CPXM2: variants seen among roughly 807,000 people sequenced by gnomAD.
CPXM2 encodes inactive carboxypeptidase-like protein X2.
In CPXM2, 66 loss-of-function variants were observed where a neutral mutation model predicts 86.1. The observed-to-expected ratio is 0.77, with a 90% CI of 0.63 to 0.94. CPXM2 has a LOEUF of 0.94. Ranked by LOEUF, CPXM2 falls within the 40% of genes least tolerant of loss-of-function variation. The pLI, the probability that CPXM2 is intolerant of heterozygous loss-of-function variation, is 0.00. For missense variants in CPXM2, 948 were observed against 1,026.3 expected, an observed-to-expected ratio of 0.92 and a Z score of 1.04; for synonymous variants, 388 against 400.2, an observed-to-expected ratio of 0.97 and a Z score of 0.36.
At chr10:123,936,482 A>G (rs866743570) in intron 2 of CPXM2, among the ~76,000 whole-genome samples, 1 of 152,210 alleles carries the variant, frequency 6.6e-6, no homozygotes, top group Non-Finnish European at 1.5e-5. Flanking sequence ...CAACAGCCAC[A>G]CAGAAGAGAT....
intron 6 of CPXM2, 127 bp downstream of exon 6, chr10:123,797,849 A>G: frequency 1.1e-6 from 1 of 949,464 alleles, no homozygotes; most frequent in Non-Finnish European, 1.4e-6. Flanking sequence ...CAGCCTCCCA[A>G]AATGCTGGGA....
chr10:123,913,277 G>A lies in CPXM2; in HGVS notation n.174+26200C>T, dbSNP rs540468123. 3.3e-5 allele frequency among the ~76,000 whole-genome samples: 5 copies of A among 152,328 alleles called. No homozygotes were observed. In the East Asian group the frequency reaches 9.6e-4, roughly 29 times the overall value. On this transcript the variant is annotated intron_variant and non_coding_transcript_variant, in intron 2 of 19. Transcript: ENST00000368854. ...GCTGTTTGAAGTTATACACAGATAT[G>A]CCGAAGAAGTGCAGCCTTATCCAAG...
chr10:123,821,329 T>C (rs1434609157), intron 4 of CPXM2, among the ~76,000 whole-genome samples: 2 of 152,236 alleles, frequency 1.3e-5, no homozygotes, highest in Non-Finnish European at 2.9e-5. Flanking sequence ...TAGGGTTTCC[T>C]GGTACTTCTC....
chr10:123,856,543 T>C (rs1481152400), intron 3 of CPXM2, among the ~76,000 whole-genome samples: 1 of 152,152 alleles, frequency 6.6e-6, no homozygotes, highest in Non-Finnish European at 1.5e-5. Flanking sequence ...TTCCTAAGAC[T>C]ACCTACAGGC....
intron 4 of CPXM2, among the ~76,000 whole-genome samples, chr10:123,836,396 C>T (rs1447273153): frequency 6.6e-6 from 1 of 152,090 alleles, no homozygotes; most frequent in African/African-American, 2.4e-5. Flanking sequence ...TCCTGCCCCA[C>T]CAGCCTTGAG....
chr10:123,801,412 A>G (rs1225001880), intron 4 of CPXM2, among the ~76,000 whole-genome samples: 1 of 152,098 alleles, frequency 6.6e-6, no homozygotes, highest in African/African-American at 2.4e-5. Flanking sequence ...AGTCTCGGGT[A>G]TTTCTCCATA....
chr10:123,762,660 G>A (rs1446147079), intron 10 of CPXM2, among the ~76,000 whole-genome samples: 3 of 152,164 alleles, frequency 2.0e-5, no homozygotes, highest in South Asian at 2.1e-4. Context: ...GGTCCATGGC[G>A]ATCCTGGGCA....
intron 6 of CPXM2, among the ~76,000 whole-genome samples, chr10:123,784,399 T>G (rs1295909138): frequency 6.6e-6 from 1 of 152,170 alleles, no homozygotes; most frequent in Non-Finnish European, 1.5e-5. Flanking sequence ...AAGCCACCAG[T>G]TTGGGGCACC....
At chr10:123,830,026 A>G (rs1006142603) in intron 4 of CPXM2, among the ~76,000 whole-genome samples, 1 of 152,168 alleles carries the variant, frequency 6.6e-6, no homozygotes, top group Non-Finnish European at 1.5e-5. Context: ...AAAGATGTCA[A>G]TGTAAAAATT....
chr10:123,926,021 A>G lies in CPXM2; in HGVS notation n.174+13456T>C, dbSNP rs532488775. ...AGTATAGCAGGATCTCAGGGCTAGA[A>G]GGACTTCCAGAGACACATGTCCCAA... On this transcript the variant is annotated intron_variant and non_coding_transcript_variant, in intron 2 of 19. Transcript: ENST00000368854. 3.3e-5 allele frequency among the ~76,000 whole-genome samples: 5 copies of G among 152,350 alleles called. No individual in the cohort carries two copies. The South Asian group carries it at 1.0e-3, about 32-fold the overall frequency.
intron 3 of CPXM2, among the ~76,000 whole-genome samples, chr10:123,850,455 G>C (rs192011469): frequency 6.6e-6 from 1 of 152,284 alleles, no homozygotes; most frequent in East Asian, 1.9e-4. Context: ...ATTCTGGGTA[G>C]GGTGACAAAA....
intron 6 of CPXM2, among the ~76,000 whole-genome samples, chr10:123,792,873 C>T (rs994653673): frequency 3.3e-5 from 5 of 152,126 alleles, no homozygotes; most frequent in Admixed American, 6.5e-5. Flanking sequence ...CCAGAGCCAC[C>T]GGCAGGAAAG....
chr10:123,810,920 C>T (rs1001311852), intron 4 of CPXM2, among the ~76,000 whole-genome samples: 4 of 151,974 alleles, frequency 2.6e-5, no homozygotes, highest in Non-Finnish European at 5.9e-5. Flanking sequence ...CTTTAAGACA[C>T]TGTGATAATG....
intron 4 of CPXM2, among the ~76,000 whole-genome samples, chr10:123,828,536 T>C (rs1353364100): frequency 6.6e-6 from 1 of 152,200 alleles, no homozygotes; most frequent in Non-Finnish European, 1.5e-5. Flanking sequence ...AGCTCTCTCT[T>C]GCCTGCCACC....
intron 2 of CPXM2, among the ~76,000 whole-genome samples, chr10:123,938,642 G>C (rs1472568788): frequency 6.6e-6 from 1 of 152,208 alleles, no homozygotes; most frequent in Non-Finnish European, 1.5e-5. Flanking sequence ...CAGGGTCACT[G>C]TGACAGATGC....
At chr10:123,831,570 G>T (rs772467809) in intron 4 of CPXM2, among the ~76,000 whole-genome samples, 5 of 152,064 alleles carry the variant, frequency 3.3e-5, no homozygotes, top group Non-Finnish European at 5.9e-5. Flanking sequence ...TGGTTCTGGC[G>T]GTCAGAAGTC....
chr10:123,888,401 T>C (rs140925542), intron 1 of CPXM2, among the ~76,000 whole-genome samples: 73 of 152,306 alleles, frequency 4.8e-4, no homozygotes, highest in Non-Finnish European at 9.8e-4. Flanking sequence ...ATACATAGCA[T>C]TGCATCATCC....
At chr10:123,842,553 T>C in intron 3 of CPXM2, 65 bp from the exon 4 acceptor site, 2 of 1,528,030 alleles carry the variant, frequency 1.3e-6, no homozygotes, top group Non-Finnish European at 1.8e-6. Flanking sequence ...AGACATATCT[T>C]TTCCTGAGGC....
intron 6 of CPXM2, among the ~76,000 whole-genome samples, chr10:123,790,893 G>A (rs1847192169): frequency 1.3e-5 from 2 of 152,318 alleles, no homozygotes; most frequent in African/African-American, 2.4e-5. Context: ...TGAAGAAGAT[G>A]CACTTTCTAG....
Sources: gnomAD v4.1 joint callset for allele counts (sites outside exome capture counted in the v4.1 genomes callset) on GRCh38, gnomAD v4.1.1 for gene constraint, MANE v1.5 for transcripts, NCBI Gene and HGNC (gene_info 2026-07-23, HGNC 2026-07-21) for gene names.